The following ZNF385B variants were observed in gnomAD, a reference collection of about 807,000 sequenced individuals.
ZNF385B encodes zinc finger protein 533.
Under a neutral mutation model 39.2 loss-of-function variants are expected in ZNF385B, and 23 were observed. That is an observed-to-expected ratio of 0.59 (90% CI 0.42 to 0.83). The LOEUF is 0.83. ZNF385B is among the 40% of genes least tolerant of loss of function. ZNF385B has a pLI of 0.00. For synonymous variants in ZNF385B, 205 were observed against 222.6 expected, an observed-to-expected ratio of 0.92 and a Z score of 0.70; for missense variants, 552 against 598.9, an observed-to-expected ratio of 0.92 and a Z score of 0.82.
At chr2:179,603,607 A>T (rs1305098334) in intron 3 of ZNF385B, among the ~76,000 whole-genome samples, 1 of 152,160 alleles carries the variant, frequency 6.6e-6, no homozygotes, top group Non-Finnish European at 1.5e-5. Context: ...TATAGTATTC[A>T]GAGTGCTAGC....
At chr2:179,481,686 C>T (rs1456165671) in intron 6 of ZNF385B, among the ~76,000 whole-genome samples, 1 of 152,140 alleles carries the variant, frequency 6.6e-6, no homozygotes, top group East Asian at 1.9e-4. Flanking sequence ...TATCATTTTA[C>T]TTATATGTTT....
At chr2:179,616,449 T>C (rs531344388) in intron 3 of ZNF385B, among the ~76,000 whole-genome samples, 28 of 152,272 alleles carry the variant, frequency 1.8e-4, no homozygotes, top group African/African-American at 6.7e-4. Context: ...TTCTCTCGCC[T>C]CAGCCTCCTG....
rs375652581 is a variant in ZNF385B at position 179,723,933 on chromosome 2, C to T, written c.298+45570G>A. Among the ~76,000 whole-genome samples the T allele has an allele frequency of 9.2e-5, 14 of 152,220 alleles. No homozygotes were observed. In the East Asian group the frequency reaches 2.7e-3, roughly 29 times the overall value. On this transcript the variant is annotated intron_variant, in intron 3 of 9. Transcript: ENST00000410066. ...AATCAAGGACTCACAAATGTCACTG[C>T]TCATACATCATATAAAAACTAGTAT...
At chr2:179,588,300 G>A (rs568065483) in intron 3 of ZNF385B, among the ~76,000 whole-genome samples, 15 of 152,172 alleles carry the variant, frequency 9.9e-5, no homozygotes, top group African/African-American at 3.4e-4. Context: ...GTGTTAGCGA[G>A]CATGGTCTCA....
intron 3 of ZNF385B, among the ~76,000 whole-genome samples, chr2:179,667,828 C>G (rs749798305): frequency 6.6e-6 from 1 of 152,118 alleles, no homozygotes; most frequent in Non-Finnish European, 1.5e-5. Flanking sequence ...AGATGATTCC[C>G]TATGATTTTC....
At position 179,674,284 on chromosome 2, in the gene ZNF385B, T is replaced by C. The variant is rs56139976; in HGVS notation, c.298+95219A>G. 4.3e-3 allele frequency among the ~76,000 whole-genome samples: 658 copies of C among 152,304 alleles called. 6 individuals are homozygous for C. The highest frequency in any genetic ancestry group is 0.015 in the African/African-American group (626 of 41,560). On this transcript the variant is annotated intron_variant, in intron 3 of 9. Transcript: ENST00000410066. ...CTTTTAATGTAGTGAAGGAGACGGA[T>C]TATTATTAATCAAGTAAATGTAGAA...
intron 3 of ZNF385B, among the ~76,000 whole-genome samples, chr2:179,613,518 C>T (rs187545315): frequency 6.6e-6 from 1 of 152,214 alleles, no homozygotes; most frequent in African/African-American, 2.4e-5. Context: ...GCAGTAGGTT[C>T]CCCTTCTGAA....
intron 3 of ZNF385B, among the ~76,000 whole-genome samples, chr2:179,650,741 G>T (rs1331866767): frequency 6.6e-6 from 1 of 152,136 alleles, no homozygotes; most frequent in South Asian, 2.1e-4. Flanking sequence ...ATAAGGTAGG[G>T]CAGTGAGAAA....
intron 6 of ZNF385B, among the ~76,000 whole-genome samples, chr2:179,461,516 CT>C (rs2051342606): frequency 6.6e-6 from 1 of 152,166 alleles, no homozygotes; most frequent in Admixed American, 6.5e-5. Flanking sequence ...AGCATGAGCA[CT>C]TGAAAAATAG....
chr2:179,493,740 T>TAC (rs1164967237), intron 5 of ZNF385B, among the ~76,000 whole-genome samples: 5 of 139,788 alleles, frequency 3.6e-5, no homozygotes, highest in Non-Finnish European at 3.1e-5. Flanking sequence ...CATATATGTA[T>TAC]ACATATGTGT....
At chr2:179,543,640 T>A (rs1434786156) in intron 4 of ZNF385B, among the ~76,000 whole-genome samples, 2 of 152,126 alleles carry the variant, frequency 1.3e-5, no homozygotes, top group African/African-American at 4.8e-5. Context: ...TCCACTGCTC[T>A]AGGAACAATG....
intron 5 of ZNF385B, among the ~76,000 whole-genome samples, chr2:179,501,587 AGC>A (rs933753684): frequency 9.2e-5 from 14 of 152,260 alleles, no homozygotes; most frequent in African/African-American, 3.1e-4. Flanking sequence ...CTGGAAGGGT[AGC>A]GGGGAGCTGG....
chr2:179,847,615 G>A (rs143575458), intron 1 of ZNF385B, among the ~76,000 whole-genome samples: 1 of 152,288 alleles, frequency 6.6e-6, no homozygotes, highest in African/African-American at 2.4e-5. Context: ...GTTCCTTGCA[G>A]CCACTTTTGG....
intron 1 of ZNF385B, among the ~76,000 whole-genome samples, chr2:179,855,104 A>T (rs1436888362): frequency 1.3e-5 from 2 of 152,292 alleles, no homozygotes; most frequent in East Asian, 3.9e-4. Context: ...AGAAAAAAAA[A>T]AGTGGAATAT....
intron 3 of ZNF385B, among the ~76,000 whole-genome samples, chr2:179,560,958 C>T (rs2061293845): frequency 6.6e-6 from 1 of 152,164 alleles, no homozygotes; most frequent in African/African-American, 2.4e-5. Flanking sequence ...ATTACGTGCT[C>T]CCACGACGGT....
intron 3 of ZNF385B, among the ~76,000 whole-genome samples, chr2:179,581,881 T>C (rs1201811471): frequency 6.6e-6 from 1 of 152,174 alleles, no homozygotes; most frequent in Non-Finnish European, 1.5e-5. Context: ...AGCAACAACA[T>C]GGAGTAGACT....
intron 3 of ZNF385B, among the ~76,000 whole-genome samples, chr2:179,739,963 A>G (rs1701991880): frequency 2.6e-5 from 4 of 152,204 alleles, no homozygotes; most frequent in African/African-American, 9.6e-5. Context: ...GAGTTAACTA[A>G]TTTATTATAA....
At chr2:179,769,950 C>A in intron 2 of ZNF385B, 148 bp from the exon 3 acceptor site, 1 of 717,572 alleles carries the variant, frequency 1.4e-6, no homozygotes, top group Non-Finnish European at 2.2e-6. Flanking sequence ...ATCAAAAGTA[C>A]CTAAGTAAGC....
chr2:179,551,967 A>G (rs2060604054), intron 3 of ZNF385B, among the ~76,000 whole-genome samples: 1 of 133,538 alleles, frequency 7.5e-6, no homozygotes. Context: ...TTTCTTGCAT[A>G]CATTTCACTT....
Sources: allele counts gnomAD v4.1 joint callset (sites outside exome capture counted in the v4.1 genomes callset), GRCh38; gene constraint gnomAD v4.1.1; transcripts MANE v1.5; gene names NCBI Gene and HGNC (gene_info 2026-07-23, HGNC 2026-07-21).